Variants in CHSY3 observed in about 807,000 individuals in gnomAD.
CHSY3 encodes the protein N-acetylgalactosaminyl-proteoglycan 3-beta-glucuronosyltransferase 3.
CHSY3 carries 35 observed loss-of-function variants against 67.2 expected under a neutral mutation model. The observed-to-expected ratio is 0.52, with a 90% confidence interval of 0.40 to 0.69. The LOEUF (loss-of-function observed/expected upper bound fraction) is 0.69, where lower values mean the gene tolerates loss of function less well. CHSY3 is among the 30% of genes least tolerant of loss of function. The pLI, the probability that CHSY3 is intolerant of heterozygous loss-of-function variation, is 0.00. For missense variants in CHSY3, 1,069 were observed against 1,138.5 expected, an observed-to-expected ratio of 0.94 and a Z score of 0.88; for synonymous variants, 474 against 434.7, an observed-to-expected ratio of 1.09 and a Z score of -1.12.
intron 2 of CHSY3, among the ~76,000 whole-genome samples, chr5:130,153,440 G>GTTACCTGCTTATAAC (rs1298031612): frequency 3.3e-5 from 5 of 152,114 alleles, no homozygotes; most frequent in African/African-American, 1.2e-4. Context: ...AGTTTTGCAA[G>GTTACCTGCTTATAAC]TTGAATCTTA....
intron 2 of CHSY3, among the ~76,000 whole-genome samples, chr5:130,145,347 G>A (rs905752319): frequency 1.2e-4 from 18 of 152,182 alleles, no homozygotes; most frequent in Non-Finnish European, 4.4e-5. Context: ...AGTTAGGGAA[G>A]AGATAGTATC....
rs140567757 is a variant in CHSY3, at chr5:130,116,607, C to G, written c.1087-67622C>G. The stretch of plus-strand genomic sequence containing the variant: ...ATGAATTATTCCACCGTCGTGGGTG[C>G]CAAGTGGAGCGATTCCTGATTCATT... On this transcript the variant is annotated intron_variant, in intron 2 of 2. Transcript: ENST00000305031. Among the ~76,000 whole-genome samples, 629 of 152,276 alleles carry G rather than the reference C, an allele frequency of 4.1e-3. 7 individuals are homozygous for G. Among genetic ancestry groups the G allele is most frequent in the South Asian group, 0.035 (170 of 4,820 alleles).
intron 2 of CHSY3, among the ~76,000 whole-genome samples, chr5:130,091,970 A>G (rs1766894757): frequency 6.6e-6 from 1 of 152,134 alleles, no homozygotes. Flanking sequence ...GGGAGTCCAC[A>G]GAGAGAGACA....
chr5:130,084,892 A>G (rs1374639627), intron 2 of CHSY3, among the ~76,000 whole-genome samples: 1 of 152,002 alleles, frequency 6.6e-6, no homozygotes, highest in Non-Finnish European at 1.5e-5. Context: ...TAAGGTTTTT[A>G]TTATGCAGAT....
At chr5:130,156,454 C>T (rs1483403477) in intron 2 of CHSY3, among the ~76,000 whole-genome samples, 3 of 152,256 alleles carry the variant, frequency 2.0e-5, no homozygotes, top group Admixed American at 6.5e-5. Context: ...AGCATTTCTT[C>T]GCAGCATACC....
intron 2 of CHSY3, among the ~76,000 whole-genome samples, chr5:130,147,052 C>T (rs994356793): frequency 6.6e-6 from 1 of 152,148 alleles, no homozygotes; most frequent in African/African-American, 2.4e-5. Flanking sequence ...CCTCGGCCTC[C>T]CAAAATGTTG....
chr5:130,113,542 G>A lies in CHSY3; in HGVS notation c.1087-70687G>A, dbSNP rs532910861. Among the ~76,000 whole-genome samples, 9 of 152,288 alleles carry A rather than the reference G, an allele frequency of 5.9e-5. No homozygotes were observed. In the East Asian group the frequency reaches 1.7e-3, roughly 29 times the overall value. On this transcript the variant is annotated intron_variant, in intron 2 of 2. Transcript: ENST00000305031. The stretch of plus-strand genomic sequence containing the variant: ...AGAATTTAAAAATATAGACGTAACA[G>A]TTAGAAAACACTAATAGAGTTTTAT...
chr5:130,086,133 G>GT (rs1397664206), intron 2 of CHSY3, among the ~76,000 whole-genome samples: 6 of 152,086 alleles, frequency 3.9e-5, no homozygotes, highest in African/African-American at 1.4e-4. Context: ...GGTCCGCTTG[G>GT]TGCAGAGCTG....
intron 2 of CHSY3, among the ~76,000 whole-genome samples, chr5:130,001,024 G>C (rs1469405993): frequency 6.6e-6 from 1 of 151,592 alleles, no homozygotes; most frequent in African/African-American, 2.4e-5. Context: ...CCGAGTAGCT[G>C]AGTGGTGGCA....
At chr5:129,917,971 G>A (rs1760786500) in intron 2 of CHSY3, among the ~76,000 whole-genome samples, 1 of 152,154 alleles carries the variant, frequency 6.6e-6, no homozygotes, top group South Asian at 2.1e-4. Flanking sequence ...CAAATATCAA[G>A]TCTATTTTAA....
chr5:129,911,817 G>C (rs1760561086), intron 2 of CHSY3, among the ~76,000 whole-genome samples: 1 of 152,192 alleles, frequency 6.6e-6, no homozygotes, highest in Admixed American at 6.5e-5. Flanking sequence ...AGCACTTTGG[G>C]AGGCTGACGC....
intron 2 of CHSY3, among the ~76,000 whole-genome samples, chr5:130,178,187 G>GTGTATA (rs1554088361): frequency 8.2e-5 from 10 of 121,922 alleles, no homozygotes; most frequent in African/African-American, 3.3e-4. Flanking sequence ...ATGTGTGTGT[G>GTGTATA]TATATATATA....
chr5:129,947,396 G>A (rs1295282025), intron 2 of CHSY3, among the ~76,000 whole-genome samples: 1 of 152,052 alleles, frequency 6.6e-6, no homozygotes, highest in Non-Finnish European at 1.5e-5. Flanking sequence ...GGCTGGGGTG[G>A]GTGATTCACT....
chr5:129,913,356 G>C (rs1760631123), intron 2 of CHSY3, among the ~76,000 whole-genome samples: 1 of 152,202 alleles, frequency 6.6e-6, no homozygotes, highest in African/African-American at 2.4e-5. Context: ...TGATTTTCCA[G>C]TGAGACTGAG....
At chr5:129,999,117 C>G (rs1305618273) in intron 2 of CHSY3, among the ~76,000 whole-genome samples, 4 of 134,700 alleles carry the variant, frequency 3.0e-5, no homozygotes, top group Non-Finnish European at 6.4e-5. Context: ...ATCTAGCTCC[C>G]CCCTCCCTTT....
chr5:130,136,825 A>C (rs942468207), intron 2 of CHSY3, among the ~76,000 whole-genome samples: 5 of 152,196 alleles, frequency 3.3e-5, no homozygotes, highest in African/African-American at 9.6e-5. Context: ...AATATAAAGC[A>C]TATAATAAAT....
rs765840288 is a variant in CHSY3, at chr5:130,184,605, G to A, written c.1463G>A (p.Ser488Asn). 1.2e-6 allele frequency: 2 copies of A among 1,612,042 alleles called. No homozygotes were observed. Among genetic ancestry groups the A allele is most frequent in the South Asian group, 2.2e-5 (2 of 91,040 alleles). ...AACCAGCCCCCTCGACAGAGCCTCA[G>A]TAGCATTTTAAGAACAGCACTGGAT... ...AENQPPRQSL[S>N]SILRTALDDT... The change falls in exon 3 of 3, where the codon AGT becomes AAT. Residue 488 changes from serine to asparagine, a missense_variant. Ser to Asn is a conservative substitution (Grantham distance 46). Transcript: ENST00000305031.
At position 130,038,407 on chromosome 5, in the gene CHSY3, A is replaced by G. The variant is rs1356285003; in HGVS notation, c.1086+130047A>G. On this transcript the variant is annotated intron_variant, in intron 2 of 2. Coordinates refer to ENST00000305031, the MANE Select transcript of CHSY3 (RefSeq NM_175856.5). Reference sequence around the variant, plus strand: ...AAAGTACAGAATGACCGTGTTATTTATTGTTGGTTGTAGTTATGACTTTTT... The same window carrying G: ...AAAGTACAGAATGACCGTGTTATTTGTTGTTGGTTGTAGTTATGACTTTTT... Among the ~76,000 whole-genome samples the G allele has an allele frequency of 3.9e-5, 6 of 152,230 alleles. No homozygotes were observed. The East Asian group carries it at 5.8e-4, about 15-fold the overall frequency.
chr5:130,046,270 C>T (rs973593995), intron 2 of CHSY3, among the ~76,000 whole-genome samples: 4 of 152,060 alleles, frequency 2.6e-5, no homozygotes, highest in South Asian at 2.1e-4. Flanking sequence ...CATTATCTAT[C>T]GCCAAAGTTA....
Sources: allele counts gnomAD v4.1 joint callset (sites outside exome capture counted in the v4.1 genomes callset), GRCh38; gene constraint gnomAD v4.1.1; transcripts MANE v1.5; gene names NCBI Gene and HGNC (gene_info 2026-07-23, HGNC 2026-07-21).